HECTD4: variants seen among roughly 807,000 people sequenced by gnomAD.
HECTD4 encodes the protein probable E3 ubiquitin-protein ligase HECTD4.
In HECTD4, 114 loss-of-function variants were observed where a neutral mutation model predicts 471.5. The ratio of observed to expected loss-of-function variants is 0.24; its 90% CI spans 0.21 to 0.28. HECTD4 has a LOEUF of 0.28. Ranked by LOEUF, HECTD4 falls within the 10% of genes least tolerant of loss-of-function variation. The pLI is 1.00. For synonymous variants in HECTD4, 2,012 were observed against 2,256.0 expected, an observed-to-expected ratio of 0.89 and a Z score of 3.07; for missense variants, 3,866 against 5,651.5, an observed-to-expected ratio of 0.68 and a Z score of 10.13.
intron 20 of HECTD4, 94 bp from the exon 21 acceptor site, chr12:112,256,612 C>T: frequency 6.0e-6 from 5 of 827,398 alleles, no homozygotes; most frequent in Non-Finnish European, 7.0e-6. Context: ...CCACAGCATG[C>T]AGTATGATAA....
At chr12:112,311,677 A>C (rs1416450397) in intron 4 of HECTD4, among the ~76,000 whole-genome samples, 1 of 151,698 alleles carries the variant, frequency 6.6e-6, no homozygotes, top group Admixed American at 6.6e-5. Flanking sequence ...AAAGAAAACC[A>C]TTTCTCCCTA....
At chr12:112,289,924 G>A (rs138195099) in intron 7 of HECTD4, among the ~76,000 whole-genome samples, 1,816 of 150,872 alleles carry the variant, frequency 0.012, 19 homozygotes, top group Non-Finnish European at 0.018. Context: ...TAATCCTCCC[G>A]CTTCGGCCTC....
intron 18 of HECTD4, among the ~76,000 whole-genome samples, 188 bp downstream of exon 18, chr12:112,261,117 A>G (rs891015164): frequency 2.0e-5 from 3 of 152,188 alleles, no homozygotes; most frequent in Non-Finnish European, 4.4e-5. Context: ...TGTTGGCCCA[A>G]TCTCACCTGA....
At chr12:112,241,563 G>A (rs1310164477) in intron 32 of HECTD4, among the ~76,000 whole-genome samples, 1 of 152,206 alleles carries the variant, frequency 6.6e-6, no homozygotes, top group East Asian at 1.9e-4. Flanking sequence ...CTGGCCTCAA[G>A]CGATCTTCCT....
rs1188578265 is a variant in HECTD4 at position 112,213,173 on chromosome 12, A to C, written c.7466-523T>G. ...GAAGCTGTCAGAATTTTTAGAAGGAAAATGCCTAGTGTCTGTGTTAAATTA... is the reference window on the plus strand; with the variant it reads ...GAAGCTGTCAGAATTTTTAGAAGGACAATGCCTAGTGTCTGTGTTAAATTA... On this transcript the variant is annotated intron_variant, in intron 48 of 75. Coordinates refer to ENST00000682272, the MANE Select transcript of HECTD4 (RefSeq NM_001388303.1). The surrounding 1 kb of genome is among the most constrained non-coding windows in gnomAD (Gnocchi z 4.0). Among the ~76,000 whole-genome samples the C allele has an allele frequency of 6.6e-6, 1 of 152,194 alleles. No homozygotes were observed. The highest frequency in any genetic ancestry group is 1.5e-5 in the Non-Finnish European group (1 of 68,038).
intron 24 of HECTD4, 57 bp downstream of exon 24, chr12:112,250,914 C>CTTTA: frequency 6.7e-7 from 1 of 1,498,766 alleles, no homozygotes; most frequent in South Asian, 1.3e-5. Flanking sequence ...GATTTTTCCA[C>CTTTA]ATAAAGTCCT....
intron 61 of HECTD4, among the ~76,000 whole-genome samples, chr12:112,183,956 A>C (rs1411165557): frequency 2.0e-5 from 3 of 152,196 alleles, no homozygotes; most frequent in Non-Finnish European, 4.4e-5. Flanking sequence ...CCCACCGCGG[A>C]AGGCCAGGCC....
intron 32 of HECTD4, among the ~76,000 whole-genome samples, chr12:112,241,301 C>A (rs529720034): frequency 6.6e-6 from 1 of 152,194 alleles, no homozygotes; most frequent in African/African-American, 2.4e-5. Context: ...TTCCCTATTT[C>A]TTTCTGGGCA....
At chr12:112,254,217 T>C in intron 21 of HECTD4, 55 bp from the exon 22 acceptor site, 1 of 1,592,468 alleles carries the variant, frequency 6.3e-7, no homozygotes, top group Non-Finnish European at 8.6e-7. Context: ...AAACAACATC[T>C]ACAAATAAAA....
Position 112,348,923 on chromosome 12 carries a change from A to T in HECTD4, c.178-29181T>A, listed in dbSNP as rs376311790. Among the ~76,000 whole-genome samples the T allele has an allele frequency of 7.2e-5, 11 of 152,090 alleles. No individual in the cohort carries two copies. In the East Asian group the frequency reaches 1.5e-3, roughly 21 times the overall value. The stretch of plus-strand genomic sequence containing the variant: ...AATCTTAACAGAGGAATTATGGTTG[A>T]TTTTCATCTTCTTTTTTTGTTATCT... On this transcript the variant is annotated intron_variant, in intron 1 of 75. Transcript: ENST00000682272.
chr12:112,193,502 T>G lies in HECTD4; in HGVS notation c.8922A>C (p.Leu2974Phe). 1 of 1,611,290 alleles carries G rather than the reference T, an allele frequency of 6.2e-7. No homozygotes were observed. The highest frequency in any genetic ancestry group is 8.5e-7 in the Non-Finnish European group (1 of 1,178,814). Reference sequence around the variant, plus strand: ...AAGAGCAGATCTGTTTCGTCAGCTCTAAAAGGCTCTCCTCGCCCTGGTGCA... The same window carrying G: ...AAGAGCAGATCTGTTTCGTCAGCTCGAAAAGGCTCTCCTCGCCCTGGTGCA... ...RTLHQGEESL[L>F]ELTKQICSFL... The change falls in exon 57 of 76, where the codon TTA becomes TTC. Residue 2974 changes from leucine (L) to phenylalanine (F), a missense_variant. Physicochemically the swap from Leu to Phe is conservative, Grantham distance 22 (BLOSUM62 0). Transcript: ENST00000682272. The surrounding 1 kb of genome is among the most constrained non-coding windows in gnomAD (Gnocchi z 5.2).
chr12:112,276,782 G>T (rs1210483701), intron 9 of HECTD4, among the ~76,000 whole-genome samples: 1 of 152,020 alleles, frequency 6.6e-6, no homozygotes, highest in Non-Finnish European at 1.5e-5. Flanking sequence ...GACTTTGGAG[G>T]AATAGATATT....
intron 1 of HECTD4, among the ~76,000 whole-genome samples, chr12:112,323,967 TTCC>T (rs1167250871): frequency 0.017 from 285 of 16,492 alleles, 28 homozygotes; most frequent in African/African-American, 0.1. Flanking sequence ...TCTTTCTTTC[TTCC>T]TTCCTTCCTT....
At position 112,228,574 on chromosome 12, in the gene HECTD4, G is replaced by A; in HGVS notation, c.6684+73C>T. On this transcript the variant is annotated intron_variant, in intron 42 of 75. Transcript: ENST00000682272. This position sits in a 1 kb window ranked among gnomAD's most constrained non-coding sequence, Gnocchi z 4.9. ...TCAAGCATTTGTGCTTCTGCACTGA[G>A]CATGTGCATAGACTCATTACAGTAC... The A allele has an allele frequency of 1.5e-6, 2 of 1,302,504 alleles. No homozygotes were observed. Among genetic ancestry groups the A allele is most frequent in the African/African-American group, 1.5e-5 (1 of 67,436 alleles). The allele number at this position is 1,302,504 out of a possible 1,614,324, so 80.7% of individuals were successfully genotyped here. A position where few individuals can be genotyped will look rare whatever the true frequency, so the allele number is the denominator to read the frequency against.
chr12:112,179,414 G>A lies in HECTD4; in HGVS notation c.10988-17C>T. ...GCTTCTCCCCTGTTGGATGGAGAGG[G>A]GGCAAAACAATTCTGCCGTGAACAT... On this transcript the variant is annotated splice_polypyrimidine_tract_variant and intron_variant, in intron 62 of 75. Coordinates refer to ENST00000682272, the MANE Select transcript of HECTD4 (RefSeq NM_001388303.1). The surrounding 1 kb of genome is among the most constrained non-coding windows in gnomAD (Gnocchi z 4.3). 6.3e-7 allele frequency: 1 copy of A among 1,595,818 alleles called. No homozygotes were observed. Among genetic ancestry groups the A allele is most frequent in the Non-Finnish European group, 8.6e-7 (1 of 1,168,800 alleles).
At chr12:112,282,256 G>C (rs1448221788) in intron 8 of HECTD4, among the ~76,000 whole-genome samples, 1 of 152,076 alleles carries the variant, frequency 6.6e-6, no homozygotes. Context: ...GGTAGCGGGC[G>C]CCTGTAGTCC....
chr12:112,299,289 C>A (rs1030115626), intron 7 of HECTD4, among the ~76,000 whole-genome samples: 15 of 152,170 alleles, frequency 9.9e-5, no homozygotes, highest in Middle Eastern at 6.8e-3. Context: ...AAAATACGGA[C>A]ATTTTCTTAT....
chr12:112,219,328 C>T, intron 45 of HECTD4, 58 bp downstream of exon 45: 2 of 1,258,708 alleles, frequency 1.6e-6, no homozygotes, highest in Non-Finnish European at 2.3e-6. Context: ...TGCTGCTGGC[C>T]TTACTCAGTG....
At chr12:112,320,167 T>A (rs1296797310) in intron 1 of HECTD4, among the ~76,000 whole-genome samples, 1 of 151,804 alleles carries the variant, frequency 6.6e-6, no homozygotes, top group Non-Finnish European at 1.5e-5. Context: ...AAACCCTCTC[T>A]CTACCAAAAA....
Sources: allele counts gnomAD v4.1 joint callset (sites outside exome capture counted in the v4.1 genomes callset), GRCh38; gene constraint gnomAD v4.1.1; non-coding constraint Gnocchi (gnomAD v3.1); transcripts MANE v1.5; gene names NCBI Gene and HGNC (gene_info 2026-07-23, HGNC 2026-07-21).